The following ANKS1B variants were observed in gnomAD, a reference collection of about 807,000 sequenced individuals.
The protein encoded by ANKS1B is ankyrin repeat and sterile alpha motif domain-containing protein 1B.
ANKS1B carries 36 observed loss-of-function variants against 148.3 expected under a neutral mutation model. The observed-to-expected ratio is 0.24, with a 90% CI of 0.19 to 0.32. The LOEUF (loss-of-function observed/expected upper bound fraction) is 0.32. Among genes scored for constraint, ANKS1B ranks in the 10% least tolerant of loss-of-function variants. The probability of loss-of-function intolerance (pLI) is 1.00; values close to 1 mark genes in which losing one functional copy is unlikely to be tolerated. For missense variants in ANKS1B, 1,157 were observed against 1,542.6 expected, an observed-to-expected ratio of 0.75 and a Z score of 4.19; for synonymous variants, 542 against 560.8, an observed-to-expected ratio of 0.97 and a Z score of 0.47.
intron 8 of ANKS1B, among the ~76,000 whole-genome samples, chr12:99,725,264 C>T (rs1028868159): frequency 9.2e-5 from 14 of 152,156 alleles, no homozygotes; most frequent in Admixed American, 7.9e-4. Context: ...GGAGACCCAA[C>T]TCATGGTCAA....
intron 17 of ANKS1B, among the ~76,000 whole-genome samples, chr12:98,988,004 T>C (rs2099924425): frequency 6.6e-6 from 1 of 152,214 alleles, no homozygotes; most frequent in African/African-American, 2.4e-5. Context: ...AATCAACAGA[T>C]AAAATTGTAT....
chr12:99,652,968 GT>G (rs1226468618), intron 9 of ANKS1B, among the ~76,000 whole-genome samples: 7 of 152,056 alleles, frequency 4.6e-5, no homozygotes, highest in African/African-American at 1.7e-4. Flanking sequence ...CAACTGGATA[GT>G]TTTTTTAAAT....
In ANKS1B at chr12:99,246,751, G is replaced by C. The variant is rs2073918816; in HGVS notation, c.1870C>G (p.His624Asp). The C allele has an allele frequency of 6.2e-7, 1 of 1,613,812 alleles. No homozygotes were observed. Residue 624 changes from histidine to aspartate, a missense_variant, in exon 13 of 27, where the codon CAT (histidine) becomes GAT (aspartate). By Grantham distance (81) the His-to-Asp change is moderately conservative. Coordinates refer to ENST00000683438, the MANE Select transcript of ANKS1B (RefSeq NM_001352186.2). The stretch of plus-strand genomic sequence containing the variant: ...CATTGTTCTCTTTTCCCATAGAGAT[G>C]AAATGGATTTTCAGGGGACTCACAG... The part of the protein sequence containing the change: ...PACESPENPF[H>D]LYGKREQCEK...
chr12:99,494,011 C>T (rs1455776796), intron 10 of ANKS1B, among the ~76,000 whole-genome samples: 1 of 152,078 alleles, frequency 6.6e-6, no homozygotes. Context: ...GAACTCTCAA[C>T]TTTTAGAGTC....
intron 17 of ANKS1B, among the ~76,000 whole-genome samples, chr12:98,899,528 TA>T (rs2099769264): frequency 6.6e-6 from 1 of 152,182 alleles, no homozygotes; most frequent in Non-Finnish European, 1.5e-5. Flanking sequence ...GTCATTCAAC[TA>T]GTTGAAAGTC....
chr12:98,917,718 A>C (rs1191662969), intron 17 of ANKS1B, among the ~76,000 whole-genome samples: 1 of 152,182 alleles, frequency 6.6e-6, no homozygotes, highest in East Asian at 1.9e-4. Flanking sequence ...AGTAGCCCTT[A>C]TCTGGGGACC....
chr12:99,682,207 T>C (rs2133876), intron 8 of ANKS1B, among the ~76,000 whole-genome samples: 68,451 of 151,964 alleles, frequency 0.45, 16,186 homozygotes, highest in South Asian at 0.6. Context: ...GTCATCAAGT[T>C]AGAAAGTCAA....
At chr12:99,118,800 C>G (rs1278456167) in intron 15 of ANKS1B, among the ~76,000 whole-genome samples, 15 of 152,082 alleles carry the variant, frequency 9.9e-5, no homozygotes, top group Admixed American at 9.8e-4. Context: ...CCATTTTTGA[C>G]AAATATTTGA....
At chr12:99,866,942 C>T (rs1346418639) in intron 1 of ANKS1B, among the ~76,000 whole-genome samples, 1 of 151,972 alleles carries the variant, frequency 6.6e-6, no homozygotes, top group Non-Finnish European at 1.5e-5. Context: ...GCAAGGGGTT[C>T]AGGGAAAAAG....
At chr12:99,753,403 G>T (rs2153598021) in intron 8 of ANKS1B, among the ~76,000 whole-genome samples, 1 of 152,238 alleles carries the variant, frequency 6.6e-6, no homozygotes, top group South Asian at 2.1e-4. Flanking sequence ...ATAAGGAGGG[G>T]TAGTAACAGA....
At chr12:99,411,252 G>A (rs1299094209) in intron 11 of ANKS1B, among the ~76,000 whole-genome samples, 1 of 152,192 alleles carries the variant, frequency 6.6e-6, no homozygotes, top group Non-Finnish European at 1.5e-5. Context: ...CCATCTTTAT[G>A]TCTGTGTGTA....
At chr12:99,804,883 C>T (rs2067393550) in intron 4 of ANKS1B, among the ~76,000 whole-genome samples, 1 of 152,104 alleles carries the variant, frequency 6.6e-6, no homozygotes, top group Non-Finnish European at 1.5e-5. Flanking sequence ...ACCATGCATG[C>T]CATGTGAGTA....
intron 15 of ANKS1B, among the ~76,000 whole-genome samples, chr12:99,099,074 C>T (rs142095301): frequency 3.7e-4 from 56 of 152,226 alleles, no homozygotes; most frequent in African/African-American, 1.0e-3. Flanking sequence ...TCCTGCCCAA[C>T]CTCCCTTTCT....
intron 9 of ANKS1B, among the ~76,000 whole-genome samples, chr12:99,623,030 T>C (rs759710291): frequency 6.6e-6 from 1 of 151,906 alleles, no homozygotes; most frequent in Non-Finnish European, 1.5e-5. Context: ...TGAATTCACC[T>C]GCACATCAAA....
At chr12:98,914,355 T>C (rs2099791115) in intron 17 of ANKS1B, among the ~76,000 whole-genome samples, 1 of 152,178 alleles carries the variant, frequency 6.6e-6, no homozygotes. Flanking sequence ...GACAAACCTC[T>C]TTTCTTTATA....
intron 1 of ANKS1B, among the ~76,000 whole-genome samples, chr12:99,918,162 A>G (rs1197673370): frequency 6.6e-6 from 1 of 152,228 alleles, no homozygotes. Context: ...CTGCTGCTCT[A>G]CAGCGCAGTA....
intron 1 of ANKS1B, among the ~76,000 whole-genome samples, chr12:99,827,118 C>T (rs2083298322): frequency 6.6e-6 from 1 of 151,716 alleles, no homozygotes; most frequent in Non-Finnish European, 1.5e-5. Context: ...GACCCTGCCA[C>T]CCCCACAACA....
rs113667309 is a variant in ANKS1B, at chr12:99,014,131, G to T, written c.2778+39026C>A. 2.4e-3 allele frequency among the ~76,000 whole-genome samples: 361 copies of T among 152,104 alleles called. 2 individuals carry two copies. Among genetic ancestry groups the T allele is most frequent in the Non-Finnish European group, 4.4e-3 (298 of 67,986 alleles). On this transcript the variant is annotated intron_variant, in intron 17 of 26. Transcript: ENST00000683438. The stretch of plus-strand genomic sequence containing the variant: ...TACCCAATTTCAAACTATACTACAG[G>T]GCTACAGTAACCAAAACAGCATGGT...
intron 14 of ANKS1B, among the ~76,000 whole-genome samples, chr12:99,237,112 A>G (rs2088134915): frequency 6.6e-6 from 1 of 152,228 alleles, no homozygotes; most frequent in Non-Finnish European, 1.5e-5. Context: ...TTAAAAAAGA[A>G]GAAAATTGCA....
Sources: allele counts gnomAD v4.1 joint callset (sites outside exome capture counted in the v4.1 genomes callset), GRCh38; gene constraint gnomAD v4.1.1; transcripts MANE v1.5; gene names NCBI Gene and HGNC (gene_info 2026-07-23, HGNC 2026-07-21).